The following CPS1 variants were observed in gnomAD, a reference collection of about 807,000 sequenced individuals.
The protein encoded by CPS1 is carbamoyl-phosphate synthase 1, also known as carbamoyl-phosphate synthase [ammonia], mitochondrial.
CPS1 carries 109 observed loss-of-function variants against 174.6 expected under a neutral mutation model. The observed-to-expected ratio is 0.62, with a 90% confidence interval of 0.53 to 0.73. The LOEUF (loss-of-function observed/expected upper bound fraction) is 0.73, where lower values mean the gene tolerates loss of function less well. Ranked by LOEUF, CPS1 falls within the 30% of genes least tolerant of loss-of-function variation. The probability of loss-of-function intolerance (pLI) is 0.00; values close to 1 mark genes in which losing one functional copy is unlikely to be tolerated. For synonymous variants in CPS1, 637 were observed against 632.0 expected (o/e 1.01, Z -0.12); for missense variants, 1,689 against 1,821.9 (o/e 0.93, Z 1.33).
chr2:210,591,720 G>A, intron 9 of CPS1, 111 bp from the exon 10 acceptor site: 1 of 1,213,410 alleles, frequency 8.2e-7, no homozygotes. Flanking sequence ...CTAAGCAATT[G>A]AAATTTTGAA....
intron 13 of CPS1, among the ~76,000 whole-genome samples, chr2:210,598,974 G>A (rs1233947841): frequency 2.6e-5 from 4 of 151,832 alleles, no homozygotes; most frequent in African/African-American, 4.8e-5. Context: ...AGCAGCTTTC[G>A]TATTGCCTCT....
chr2:210,654,691 G>A (rs563932416), intron 29 of CPS1, among the ~76,000 whole-genome samples: 2 of 152,272 alleles, frequency 1.3e-5, no homozygotes, highest in East Asian at 1.9e-4. Flanking sequence ...TAATGCATTT[G>A]TGACTTCTCT....
Position 210,590,117 on chromosome 2 carries a change from A to G in CPS1, c.723A>G (p.Glu241=). The change falls in exon 8 of 38, where the codon GAA becomes GAG. Residue 241 remains glutamate, a synonymous_variant. Transcript: ENST00000233072. ...TGTCTCTTTTCCAGCGAGGAGCTGA[A>G]GTGCACTTAGTTCCCTGGAACCATG... is the stretch of plus-strand genomic sequence containing the variant. ...VIRLLVKRGA[E]VHLVPWNHDF... is the part of the protein sequence containing the mutation. 1 of 1,612,806 alleles carries G rather than the reference A, an allele frequency of 6.2e-7. No individual in the cohort carries two copies. Among genetic ancestry groups the G allele is most frequent in the Non-Finnish European group, 8.5e-7 (1 of 1,179,096 alleles).
chr2:210,579,810 G>A, intron 5 of CPS1, 40 bp downstream of exon 5: 1 of 668,308 alleles, frequency 1.5e-6, no homozygotes, highest in East Asian at 5.4e-5. Context: ...GTTTCTTCGG[G>A]TGTGTGTGTG....
At position 210,616,418 on chromosome 2, in the gene CPS1, G is replaced by T; in HGVS notation, c.2569-5G>T. 1 of 1,589,382 alleles carries T rather than the reference G, an allele frequency of 6.3e-7. No homozygotes were observed. Among genetic ancestry groups the T allele is most frequent in the South Asian group, 1.1e-5 (1 of 90,504 alleles). On this transcript the variant is annotated splice_region_variant and splice_polypyrimidine_tract_variant and intron_variant, in intron 20 of 37. Coordinates refer to ENST00000233072, the MANE Select transcript of CPS1 (RefSeq NM_001875.5). ...CAAAGAAAGTATCTCTTCTCCTCTT[G>T]GCAGGCCATTGATGACAACATGTCC...
At chr2:210,550,761 T>C (rs1434391592) in intron 1 of CPS1, among the ~76,000 whole-genome samples, 1 of 151,884 alleles carries the variant, frequency 6.6e-6, no homozygotes, top group East Asian at 1.9e-4. Flanking sequence ...GGTTATATCT[T>C]CCAATGTTTT....
intron 33 of CPS1, among the ~76,000 whole-genome samples, chr2:210,667,597 T>G (rs1033085420): frequency 6.6e-6 from 1 of 152,170 alleles, no homozygotes; most frequent in Non-Finnish European, 1.5e-5. Context: ...CAGGATATTT[T>G]GTTTCACTTT....
chr2:210,523,712 T>C (rs1679657192), intron 1 of CPS1, among the ~76,000 whole-genome samples: 1 of 152,040 alleles, frequency 6.6e-6, no homozygotes, highest in Admixed American at 6.6e-5. Flanking sequence ...CCATGGTACA[T>C]TTTCTTTATC....
intron 2 of CPS1, among the ~76,000 whole-genome samples, chr2:210,574,046 GC>G (rs1697606088): frequency 1.3e-5 from 2 of 152,092 alleles, no homozygotes; most frequent in South Asian, 4.1e-4. Context: ...AAATTAAGTG[GC>G]TGCTTTTACC....
At chr2:210,592,430 T>C (rs1390038093) in intron 10 of CPS1, among the ~76,000 whole-genome samples, 1 of 151,986 alleles carries the variant, frequency 6.6e-6, no homozygotes, top group East Asian at 1.9e-4. Context: ...ATATATTCAA[T>C]GTTAGTGGGC....
chr2:210,637,760 CA>C lies in CPS1; in HGVS notation c.2747del (p.Gln916ArgfsTer16), dbSNP rs1277965530. 1 of 1,613,910 alleles carries C rather than the reference CA, an allele frequency of 6.2e-7. No individual in the cohort carries two copies. The highest frequency in any genetic ancestry group is 1.7e-5 in the Admixed American group (1 of 60,002). On this transcript the variant is annotated frameshift_variant, in exon 22 of 38. Transcript: ENST00000233072. LOFTEE classifies it high-confidence loss of function. The part of the protein sequence containing the change: ...RAKEIGFSDK[Q>X]ISKCLGLTEA... ...AAAGGAGATTGGGTTCTCAGATAAGCAGATTTCAAAATGCCTTGGGCTCACT... is the reference window on the plus strand; with the variant it reads ...AAAGGAGATTGGGTTCTCAGATAAGCGATTTCAAAATGCCTTGGGCTCACT...
chr2:210,599,585 C>A, intron 14 of CPS1, 24 bp downstream of exon 14: 1 of 1,609,190 alleles, frequency 6.2e-7, no homozygotes, highest in Non-Finnish European at 8.5e-7. Flanking sequence ...AGCTTAATTG[C>A]AGAGTTTTGA....
chr2:210,539,938 C>T (rs550394733), intron 1 of CPS1, among the ~76,000 whole-genome samples: 3 of 152,280 alleles, frequency 2.0e-5, no homozygotes, highest in African/African-American at 7.2e-5. Context: ...ATCTGCTGGC[C>T]TGCTGCTGTC....
At chr2:210,494,843 T>C (rs573406260) in intron 1 of CPS1, among the ~76,000 whole-genome samples, 1 of 152,308 alleles carries the variant, frequency 6.6e-6, no homozygotes, top group Admixed American at 6.5e-5. Context: ...GAGTCTGCCA[T>C]GGTTGCTGGT....
At chr2:210,647,054 G>A (rs2371009) in intron 25 of CPS1, among the ~76,000 whole-genome samples, 140,543 of 152,144 alleles carry the variant, frequency 0.92, 65,201 homozygotes, top group East Asian at 1. Context: ...AGCAAGTAGT[G>A]AGGCAGTAGG....
intron 1 of CPS1, among the ~76,000 whole-genome samples, chr2:210,495,792 A>G (rs1182194718): frequency 2.6e-5 from 4 of 152,094 alleles, no homozygotes; most frequent in Non-Finnish European, 5.9e-5. Context: ...TTGCTTTGCC[A>G]TTTCTCTCTT....
In CPS1 at chr2:210,509,118, G is replaced by C. The variant is rs550964758; in HGVS notation, c.3+31352G>C. Among the ~76,000 whole-genome samples, 4 of 152,294 alleles carry C rather than the reference G, an allele frequency of 2.6e-5. No individual in the cohort carries two copies. The South Asian group carries it at 8.3e-4, about 32-fold the overall frequency. ...ACCAAGATCCCTGATGAACATCAAT[G>C]CAAAAATCCTCAATATAATACTGGC... On this transcript the variant is annotated intron_variant, in intron 1 of 38. Transcript: ENST00000430249.
chr2:210,619,354 A>G (rs539604434), intron 21 of CPS1: 1 of 152,198 alleles, frequency 6.6e-6, no homozygotes, highest in East Asian at 1.9e-4. Context: ...TTTTTTGTGA[A>G]GCTTAATTTA....
intron 21 of CPS1, among the ~76,000 whole-genome samples, chr2:210,627,435 G>A (rs1040460566): frequency 7.2e-5 from 11 of 152,110 alleles, no homozygotes; most frequent in African/African-American, 2.7e-4. Context: ...GCGTAGAATG[G>A]AATTAAATTT....
Sources: allele counts gnomAD v4.1 joint callset (sites outside exome capture counted in the v4.1 genomes callset), GRCh38; gene constraint gnomAD v4.1.1; transcripts MANE v1.5; gene names NCBI Gene and HGNC (gene_info 2026-07-23, HGNC 2026-07-21).